FARS2: variants seen among roughly 807,000 people sequenced by gnomAD.
The protein encoded by FARS2 is phenylalanyl-tRNA synthetase 2, mitochondrial.
In FARS2, 40 loss-of-function variants were observed where a neutral mutation model predicts 46.4. The observed-to-expected ratio is 0.86, with a 90% confidence interval of 0.67 to 1.12. The LOEUF (loss-of-function observed/expected upper bound fraction) is 1.12. Among genes scored for constraint, FARS2 ranks in the 50% most tolerant of loss-of-function variants. FARS2 has a pLI of 0.00. For synonymous variants in FARS2, 234 were observed against 214.9 expected (o/e 1.09, Z -0.78); for missense variants, 513 against 567.9 (o/e 0.90, Z 0.98).
intron 4 of FARS2, among the ~76,000 whole-genome samples, chr6:5,498,432 T>C (rs1767599880): frequency 6.6e-6 from 1 of 152,196 alleles, no homozygotes; most frequent in Admixed American, 6.5e-5. Flanking sequence ...CATCTGACTG[T>C]CTGATGGAGC....
intron 6 of FARS2, among the ~76,000 whole-genome samples, chr6:5,616,010 TAAA>T (rs11327256): frequency 0.021 from 1,982 of 95,832 alleles, 60 homozygotes; most frequent in African/African-American, 0.07. Flanking sequence ...CCATAGCTCT[TAAA>T]AAAAAAAAAA....
At chr6:5,349,539 A>G (rs1178189810) in intron 1 of FARS2, among the ~76,000 whole-genome samples, 1 of 152,236 alleles carries the variant, frequency 6.6e-6, no homozygotes, top group Non-Finnish European at 1.5e-5. Flanking sequence ...AGAAATGTAT[A>G]TAAATATTTC....
At chr6:5,368,054 G>A (rs1758792212) in intron 1 of FARS2, among the ~76,000 whole-genome samples, 3 of 152,236 alleles carry the variant, frequency 2.0e-5, no homozygotes, top group South Asian at 4.1e-4. Flanking sequence ...GAGGATGGTC[G>A]GCAGAAATGT....
At chr6:5,400,083 G>A (rs1761164243) in intron 2 of FARS2, among the ~76,000 whole-genome samples, 2 of 152,150 alleles carry the variant, frequency 1.3e-5, no homozygotes, top group African/African-American at 4.8e-5. Flanking sequence ...ATTTTCACCA[G>A]CAAAGTATGA....
chr6:5,439,572 C>T (rs1179134863), intron 4 of FARS2, among the ~76,000 whole-genome samples: 1 of 152,092 alleles, frequency 6.6e-6, no homozygotes, highest in African/African-American at 2.4e-5. Context: ...AGATTTTGGT[C>T]GTAATCAGAG....
intron 5 of FARS2, among the ~76,000 whole-genome samples, chr6:5,585,298 A>AT (rs983886235): frequency 3.9e-5 from 6 of 151,928 alleles, no homozygotes; most frequent in Admixed American, 6.6e-5. Flanking sequence ...CTCAGTTATC[A>AT]TTTTTTTTGT....
chr6:5,404,802 C>CA (rs1554181245), intron 3 of FARS2, 101 bp downstream of exon 3: 1 of 591,930 alleles, frequency 1.7e-6, no homozygotes. Flanking sequence ...TTTTGAAATT[C>CA]TTTTTTTTTT....
At chr6:5,250,943 T>C in the FARS2 span, among the ~76,000 whole-genome samples, 1 of 152,356 alleles carries the variant, frequency 6.6e-6, no homozygotes, top group South Asian at 2.1e-4. Flanking sequence ...ATTTCTGTAA[T>C]ACGATATATG....
rs375858088 is a variant in FARS2 at position 5,431,172 on chromosome 6, G to T, written c.904G>T (p.Ala302Ser). ...GATGGAACAACAACTGGTCAATTCA[G>T]GTAAAAAAGAATCCCACATTTTATT... The part of the protein sequence containing the change: ...GVMEQQLVNS[A>S]GAQDRIGWAF... The change falls in exon 4 of 7, where the codon GCT (alanine) becomes TCT (serine). Residue 302 changes from alanine to serine, a missense_variant and splice_region_variant. Ala to Ser is a moderately conservative substitution (Grantham distance 99). Transcript: ENST00000274680. The T allele has an allele frequency of 3.3e-5, 54 of 1,613,154 alleles. No homozygotes were observed. The highest frequency in any genetic ancestry group is 4.5e-5 in the Non-Finnish European group (53 of 1,179,554).
chr6:5,560,074 C>G (rs972805306), intron 5 of FARS2, among the ~76,000 whole-genome samples: 2 of 152,114 alleles, frequency 1.3e-5, no homozygotes, highest in African/African-American at 4.8e-5. Context: ...GTGATTCTTT[C>G]ATTCTTTTTG....
At chr6:5,463,353 G>C (rs1287321354) in intron 4 of FARS2, among the ~76,000 whole-genome samples, 1 of 152,098 alleles carries the variant, frequency 6.6e-6, no homozygotes, top group Non-Finnish European at 1.5e-5. Context: ...GTTCTAGAAG[G>C]CTTTCAGGAA....
At chr6:5,700,544 C>T (rs577112095) in intron 6 of FARS2, among the ~76,000 whole-genome samples, 4 of 152,054 alleles carry the variant, frequency 2.6e-5, no homozygotes, top group Non-Finnish European at 5.9e-5. Context: ...AATACAGGTG[C>T]GCACCACCAT....
intron 5 of FARS2, among the ~76,000 whole-genome samples, chr6:5,563,875 G>C (rs1361679239): frequency 6.6e-6 from 1 of 152,126 alleles, no homozygotes; most frequent in African/African-American, 2.4e-5. Context: ...AGCCCCTCAG[G>C]GCTGAGGCCG....
intron 4 of FARS2, among the ~76,000 whole-genome samples, chr6:5,438,072 AAGATGTTGAT>A (rs1763626986): frequency 6.6e-6 from 1 of 151,966 alleles, no homozygotes; most frequent in Non-Finnish European, 1.5e-5. Context: ...CAGCAACTTA[AAGATGTTGAT>A]CCATTGTCTT....
At chr6:5,468,196 A>G (rs896815724) in intron 4 of FARS2, among the ~76,000 whole-genome samples, 2 of 152,192 alleles carry the variant, frequency 1.3e-5, no homozygotes, top group African/African-American at 4.8e-5. Context: ...TGTCAGCAAC[A>G]TCAAAGCCCA....
chr6:5,694,833 C>T (rs78838161), intron 6 of FARS2: 1 of 93,342 alleles, frequency 1.1e-5, no homozygotes, highest in Non-Finnish European at 2.4e-5. Flanking sequence ...GAGAACCCCC[C>T]ACACCTCTAC....
At chr6:5,269,141 T>C (rs1581653234) in intron 1 of FARS2, among the ~76,000 whole-genome samples, 1 of 152,172 alleles carries the variant, frequency 6.6e-6, no homozygotes, top group South Asian at 2.1e-4. Context: ...ATATACACCA[T>C]GGAATACTAT....
In FARS2 at chr6:5,733,877, G is replaced by A. The variant is rs141093106; in HGVS notation, c.1218-37414G>A. 9.9e-5 allele frequency among the ~76,000 whole-genome samples: 15 copies of A among 152,260 alleles called. No homozygotes were observed. The East Asian group carries it at 1.4e-3, about 14-fold the overall frequency. On this transcript the variant is annotated intron_variant, in intron 6 of 6. Coordinates refer to ENST00000274680, the MANE Select transcript of FARS2 (RefSeq NM_006567.5). ...GAAATCACTAGCCTCTCTGGACTTCGTTTTCTTACATGTATGGAGTAGGGA... is the reference window on the plus strand; with the variant it reads ...GAAATCACTAGCCTCTCTGGACTTCATTTTCTTACATGTATGGAGTAGGGA...
At chr6:5,359,518 C>T (rs1007546537) in intron 1 of FARS2, among the ~76,000 whole-genome samples, 2 of 152,228 alleles carry the variant, frequency 1.3e-5, no homozygotes, top group Admixed American at 6.5e-5. Context: ...CTTGGGCTCT[C>T]TGATCCATAT....
Sources: gnomAD v4.1 joint callset for allele counts (sites outside exome capture counted in the v4.1 genomes callset) on GRCh38, gnomAD v4.1.1 for gene constraint, MANE v1.5 for transcripts, NCBI Gene and HGNC (gene_info 2026-07-23, HGNC 2026-07-21) for gene names.